The following LOC128706665 variants were observed in gnomAD, a reference collection of about 807,000 sequenced individuals.
the LOC128706665 span, among the ~76,000 whole-genome samples, chr20:10,422,659 A>C: frequency 6.6e-6 from 1 of 152,118 alleles, no homozygotes; most frequent in African/African-American, 2.4e-5. Context: ...TCAATACTTA[A>C]GGTGACTTTG....
the LOC128706665 span, among the ~76,000 whole-genome samples, chr20:10,429,534 T>A: frequency 6.6e-6 from 1 of 152,124 alleles, no homozygotes; most frequent in East Asian, 1.9e-4. Flanking sequence ...TCATCTCATA[T>A]AAAAATAAGT....
chr20:10,417,379 G>A, the LOC128706665 span, among the ~76,000 whole-genome samples: 11 of 152,214 alleles, frequency 7.2e-5, no homozygotes, highest in African/African-American at 2.4e-4. Context: ...GGGAGGCCAA[G>A]GCAGGAGGAT....
At chr20:10,414,368 C>G in the LOC128706665 span, among the ~76,000 whole-genome samples, 4 of 150,900 alleles carry the variant, frequency 2.7e-5, no homozygotes, top group African/African-American at 7.3e-5. Context: ...TGGGTTCAAG[C>G]AATTCTCCTG....
At chr20:10,421,089 G>A in the LOC128706665 span, among the ~76,000 whole-genome samples, 1 of 152,036 alleles carries the variant, frequency 6.6e-6, no homozygotes, top group African/African-American at 2.4e-5. Context: ...AATGTTCTCT[G>A]AGCCACAATA....
At chr20:10,425,704 T>C in the LOC128706665 span, among the ~76,000 whole-genome samples, 1 of 152,212 alleles carries the variant, frequency 6.6e-6, no homozygotes, top group African/African-American at 2.4e-5. Flanking sequence ...ATGATCAGAT[T>C]TGATGAGCAG....
the LOC128706665 span, among the ~76,000 whole-genome samples, chr20:10,427,160 T>C: frequency 2.0e-5 from 3 of 151,994 alleles, no homozygotes; most frequent in East Asian, 1.9e-4. Context: ...GATTATTCTA[T>C]CTAGCATAGT....
the LOC128706665 span, among the ~76,000 whole-genome samples, chr20:10,425,794 G>T: frequency 6.8e-6 from 1 of 148,086 alleles, no homozygotes; most frequent in South Asian, 2.2e-4. Flanking sequence ...AGCAACAAGA[G>T]AAATGAGATT....
At chr20:10,422,078 A>G in the LOC128706665 span, among the ~76,000 whole-genome samples, 1 of 152,164 alleles carries the variant, frequency 6.6e-6, no homozygotes, top group Non-Finnish European at 1.5e-5. Flanking sequence ...AATAGTACTG[A>G]GTTAAATAGT....
chr20:10,432,892 T>C, the LOC128706665 span, among the ~76,000 whole-genome samples: 1 of 151,126 alleles, frequency 6.6e-6, no homozygotes, highest in South Asian at 2.1e-4. Flanking sequence ...TAATACCTAA[T>C]ACAACGTTAA....
At chr20:10,433,589 T>C in the LOC128706665 span, among the ~76,000 whole-genome samples, 16 of 152,274 alleles carry the variant, frequency 1.1e-4, no homozygotes, top group Non-Finnish European at 1.8e-4. Context: ...AGCATGACCT[T>C]AGAGGGTCAT....
At chr20:10,421,485 T>C in the LOC128706665 span, among the ~76,000 whole-genome samples, 1 of 151,328 alleles carries the variant, frequency 6.6e-6, no homozygotes, top group African/African-American at 2.4e-5. Flanking sequence ...AATCCACAAA[T>C]ATGCAGTAAG....
chr20:10,414,414 C>A, the LOC128706665 span, among the ~76,000 whole-genome samples: 2 of 151,962 alleles, frequency 1.3e-5, no homozygotes, highest in Non-Finnish European at 2.9e-5. Flanking sequence ...TACAGGCATG[C>A]GCCACCATGC....
the LOC128706665 span, among the ~76,000 whole-genome samples, chr20:10,433,553 G>GT: frequency 6.6e-6 from 1 of 152,202 alleles, no homozygotes; most frequent in African/African-American, 2.4e-5. Flanking sequence ...CAGGATTTGG[G>GT]TATGGTCTTA....
chr20:10,432,154 AG>A, the LOC128706665 span, among the ~76,000 whole-genome samples: 1 of 152,234 alleles, frequency 6.6e-6, no homozygotes, highest in Admixed American at 6.5e-5. Flanking sequence ...AGATCAATCA[AG>A]GGGTATAAAA....
At chr20:10,429,190 T>C in the LOC128706665 span, among the ~76,000 whole-genome samples, 4 of 152,198 alleles carry the variant, frequency 2.6e-5, no homozygotes, top group Admixed American at 6.5e-5. Context: ...TCATTCTCCA[T>C]GGAAAGTGTT....
the LOC128706665 span, among the ~76,000 whole-genome samples, chr20:10,414,265 C>CTTTT: frequency 0.12 from 15,910 of 131,866 alleles, 1,074 homozygotes; most frequent in South Asian, 0.21. Context: ...GTCTCTGAGT[C>CTTTT]TTTTTTTTTT....
chr20:10,432,650 C>T, the LOC128706665 span, among the ~76,000 whole-genome samples: 1 of 152,056 alleles, frequency 6.6e-6, no homozygotes, highest in Non-Finnish European at 1.5e-5. Flanking sequence ...AAAAATTAGC[C>T]AGGTGCAGTG....
chr20:10,423,603 G>GTAT, the LOC128706665 span, among the ~76,000 whole-genome samples: 1 of 152,172 alleles, frequency 6.6e-6, no homozygotes, highest in East Asian at 1.9e-4. Context: ...TAATGACATA[G>GTAT]TATGAACCCT....
the LOC128706665 span, among the ~76,000 whole-genome samples, chr20:10,427,626 T>C: frequency 3.9e-5 from 6 of 152,240 alleles, no homozygotes; most frequent in African/African-American, 1.4e-4. Context: ...TGGCATTTTT[T>C]CTGTGTACAC....
Sources: gnomAD v4.1 joint callset for allele counts (sites outside exome capture counted in the v4.1 genomes callset) on GRCh38, gnomAD v4.1.1 for gene constraint, MANE v1.5 for transcripts.